The following RIMS2 variants were observed in gnomAD, a reference collection of about 807,000 sequenced individuals.
RIMS2 encodes the protein regulating synaptic membrane exocytosis 2.
Under a neutral mutation model 174.4 loss-of-function variants are expected in RIMS2, and 59 were observed. The observed-to-expected ratio is 0.34, with a 90% confidence interval of 0.27 to 0.42. The LOEUF is 0.42. Among genes scored for constraint, RIMS2 ranks in the 10% least tolerant of loss-of-function variants. RIMS2 has a pLI of 1.00. For synonymous variants in RIMS2, 606 were observed against 572.5 expected, an observed-to-expected ratio of 1.06 and a Z score of -0.84; for missense variants, 1,620 against 1,666.3, an observed-to-expected ratio of 0.97 and a Z score of 0.48.
intron 1 of RIMS2, among the ~76,000 whole-genome samples, chr8:103,561,041 A>T (rs983338763): frequency 1.1e-4 from 16 of 152,208 alleles, no homozygotes; most frequent in African/African-American, 3.9e-4. Flanking sequence ...AATTTAGCTC[A>T]GTGACTCAGT....
At chr8:104,207,119 G>A (rs1189167461) in intron 19 of RIMS2, among the ~76,000 whole-genome samples, 3 of 152,080 alleles carry the variant, frequency 2.0e-5, no homozygotes, top group Non-Finnish European at 4.4e-5. Flanking sequence ...TATAAGGTTT[G>A]AAATGTCTGC....
At chr8:104,187,619 A>G (rs1254545773) in intron 19 of RIMS2, among the ~76,000 whole-genome samples, 1 of 151,770 alleles carries the variant, frequency 6.6e-6, no homozygotes, top group Non-Finnish European at 1.5e-5. Flanking sequence ...GTATTTCTTA[A>G]AGTTGTATTT....
At chr8:104,102,714 T>C (rs1057220042) in intron 19 of RIMS2, among the ~76,000 whole-genome samples, 4 of 152,098 alleles carry the variant, frequency 2.6e-5, no homozygotes, top group Admixed American at 1.3e-4. Flanking sequence ...CAAGAGACCA[T>C]GTGCAAGGGA....
chr8:104,223,848 G>A, intron 19 of RIMS2: 1 of 1,473,718 alleles, frequency 6.8e-7, no homozygotes, highest in Admixed American at 1.8e-5. Context: ...AAAGTCGGTG[G>A]CTGGAGGGTT....
chr8:103,819,626 C>T, intron 3 of RIMS2: 1 of 1,608,218 alleles, frequency 6.2e-7, no homozygotes, highest in Non-Finnish European at 8.5e-7. Flanking sequence ...CTGAACAATG[C>T]AAGGTGAGTA....
chr8:104,168,313 AT>A (rs1439230645), intron 19 of RIMS2, among the ~76,000 whole-genome samples: 1 of 151,912 alleles, frequency 6.6e-6, no homozygotes, highest in Non-Finnish European at 1.5e-5. Flanking sequence ...TTGTGTTTCC[AT>A]TTGTTTGTGT....
At chr8:104,253,195 T>C (rs565270963), downstream of RIMS2, 17 of 152,340 alleles carry the variant, frequency 1.1e-4, no homozygotes, top group South Asian at 3.5e-3. Flanking sequence ...GCCATTGTGA[T>C]GTCCAATAAA....
chr8:103,850,015 G>A (rs2098989089), intron 3 of RIMS2, among the ~76,000 whole-genome samples: 3 of 151,980 alleles, frequency 2.0e-5, no homozygotes, highest in Admixed American at 6.6e-5. Context: ...GAGGATGGAC[G>A]TAGCAAAAGA....
intron 3 of RIMS2, among the ~76,000 whole-genome samples, chr8:103,788,940 C>A (rs1022756196): frequency 1.3e-5 from 2 of 152,236 alleles, no homozygotes; most frequent in Non-Finnish European, 2.9e-5. Context: ...GGGCGTTGGA[C>A]CCTCTGAGCC....
At chr8:103,606,993 C>G (rs1194695305) in intron 1 of RIMS2, among the ~76,000 whole-genome samples, 2 of 151,902 alleles carry the variant, frequency 1.3e-5, no homozygotes. Flanking sequence ...AGCATTTAGT[C>G]CATTTACATT....
chr8:103,756,394 T>G (rs562073487), intron 2 of RIMS2, among the ~76,000 whole-genome samples: 6 of 151,092 alleles, frequency 4.0e-5, no homozygotes, highest in African/African-American at 1.2e-4. Flanking sequence ...GTTTTTGTTT[T>G]TTTTTTTTTG....
At chr8:103,630,092 C>G (rs2135149571) in intron 1 of RIMS2, among the ~76,000 whole-genome samples, 1 of 145,936 alleles carries the variant, frequency 6.9e-6, no homozygotes, top group Admixed American at 6.9e-5. Context: ...CAGGCCAAAC[C>G]AAAAGAAATT....
At chr8:103,581,988 C>T (rs981672013) in intron 1 of RIMS2, among the ~76,000 whole-genome samples, 15 of 152,202 alleles carry the variant, frequency 9.9e-5, no homozygotes, top group Admixed American at 8.5e-4. Context: ...CTTCCCTAAA[C>T]CCAGGCTACA....
At chr8:104,083,027 G>A (rs1598435642) in intron 19 of RIMS2, among the ~76,000 whole-genome samples, 1 of 152,262 alleles carries the variant, frequency 6.6e-6, no homozygotes, top group East Asian at 1.9e-4. Context: ...TGCTTTGACT[G>A]TTGGCTCCAT....
At chr8:103,610,556 A>T (rs1227140388) in intron 1 of RIMS2, among the ~76,000 whole-genome samples, 1 of 152,154 alleles carries the variant, frequency 6.6e-6, no homozygotes, top group African/African-American at 2.4e-5. Flanking sequence ...GTTGAATTTT[A>T]TCAAAAACCT....
At chr8:103,850,515 A>G (rs142530944) in intron 3 of RIMS2, among the ~76,000 whole-genome samples, 5 of 152,118 alleles carry the variant, frequency 3.3e-5, no homozygotes, top group South Asian at 2.1e-4. Context: ...TCATCTTCCA[A>G]TGTAGCTCCT....
intron 1 of RIMS2, among the ~76,000 whole-genome samples, chr8:103,627,637 C>T (rs1589302491): frequency 6.6e-6 from 1 of 152,158 alleles, no homozygotes; most frequent in South Asian, 2.1e-4. Flanking sequence ...GTTCTTCTGC[C>T]TCGGCTCCAG....
chr8:104,021,030 C>T (rs2096072733), intron 19 of RIMS2, among the ~76,000 whole-genome samples: 1 of 151,844 alleles, frequency 6.6e-6, no homozygotes, highest in South Asian at 2.1e-4. Flanking sequence ...ATGATTTTAT[C>T]AAAAAAGTAA....
At chr8:103,829,461 C>A (rs922432408) in intron 3 of RIMS2, among the ~76,000 whole-genome samples, 1 of 152,154 alleles carries the variant, frequency 6.6e-6, no homozygotes, top group Admixed American at 6.5e-5. Context: ...ATAGAATCAA[C>A]GTAGATGTCC....
Sources: allele counts gnomAD v4.1 joint callset (sites outside exome capture counted in the v4.1 genomes callset), GRCh38; gene constraint gnomAD v4.1.1; transcripts MANE v1.5; gene names NCBI Gene and HGNC (gene_info 2026-07-23, HGNC 2026-07-21).